DNAH8: variants seen among roughly 807,000 people sequenced by gnomAD.
DNAH8 encodes axonemal beta dynein heavy chain 8.
DNAH8 carries 382 observed loss-of-function variants against 562.1 expected under a neutral mutation model. That is an observed-to-expected ratio of 0.68 (90% CI 0.63 to 0.74). The LOEUF is 0.74. DNAH8 is among the 30% of genes least tolerant of loss of function. DNAH8 has a pLI of 0.00. For synonymous variants in DNAH8, 1,881 were observed against 1,919.4 expected, an observed-to-expected ratio of 0.98 and a Z score of 0.52; for missense variants, 5,203 against 5,620.4, an observed-to-expected ratio of 0.93 and a Z score of 2.37.
rs115560841 is a variant in DNAH8, at chr6:38,975,830, A to C, written c.12834+1301A>C. Reference sequence around the variant, plus strand: ...ATTCCCAATTCACAAATAATATTTTATGATTGTGTTCCCAGTAGTGATGAT... The same window carrying C: ...ATTCCCAATTCACAAATAATATTTTCTGATTGTGTTCCCAGTAGTGATGAT... On this transcript the variant is annotated intron_variant, in intron 85 of 92. Coordinates refer to ENST00000327475, the MANE Select transcript of DNAH8 (RefSeq NM_001206927.2). Among the ~76,000 whole-genome samples the C allele has an allele frequency of 2.4e-3, 360 of 152,336 alleles. 4 individuals are homozygous for C. Among genetic ancestry groups the C allele is most frequent in the African/African-American group, 8.1e-3 (338 of 41,572 alleles).
rs150022614 is a variant in DNAH8 at position 38,756,048 on chromosome 6, C to T, written c.1484C>T (p.Thr495Ile). 1.2e-6 allele frequency: 2 copies of T among 1,602,766 alleles called. No individual in the cohort carries two copies. Among genetic ancestry groups the T allele is most frequent in the Non-Finnish European group, 8.5e-7 (1 of 1,170,342 alleles). The change falls in exon 10 of 93, where the codon ACC (threonine) becomes ATC (isoleucine). Residue 495 changes from threonine (T) to isoleucine (I), a missense_variant. Thr to Ile is a moderately conservative substitution (Grantham distance 89, BLOSUM62 -1). This residue lies in a region of DNAH8 where 2,176 missense variants were observed against 2,365.1 expected (regional missense o/e 0.92). Transcript: ENST00000327475. ...MIHGVSRYYN[T>I]SERMTSLFIK... ...CACGGTGTGTCAAGGTATTATAATA[C>T]CTCAGAGAGAATGACCTCATTGTTT...
At chr6:38,779,369 A>T (rs1441024018) in intron 14 of DNAH8, among the ~76,000 whole-genome samples, 1 of 151,532 alleles carries the variant, frequency 6.6e-6, no homozygotes, top group East Asian at 1.9e-4. Flanking sequence ...CTGTCTCTCT[A>T]TTTCTCTCTG....
intron 62 of DNAH8, among the ~76,000 whole-genome samples, chr6:38,905,588 ATAT>A (rs1476918892): frequency 6.6e-6 from 1 of 152,176 alleles, no homozygotes; most frequent in Non-Finnish European, 1.5e-5. Flanking sequence ...TGAGTTTTAG[ATAT>A]TATATATATA....
intron 79 of DNAH8, among the ~76,000 whole-genome samples, chr6:38,939,538 A>G (rs1245796639): frequency 1.3e-5 from 2 of 152,240 alleles, no homozygotes; most frequent in Admixed American, 1.3e-4. Flanking sequence ...TTGCTTGAAA[A>G]GAAATAATAA....
At chr6:39,008,579 T>C (rs1765953669) in intron 88 of DNAH8, among the ~76,000 whole-genome samples, 1 of 152,074 alleles carries the variant, frequency 6.6e-6, no homozygotes, top group Non-Finnish European at 1.5e-5. Context: ...GTCTCTTTCC[T>C]TGAAGATGGA....
At chr6:38,736,753 G>C (rs1171583101) in intron 5 of DNAH8, among the ~76,000 whole-genome samples, 1 of 151,934 alleles carries the variant, frequency 6.6e-6, no homozygotes, top group East Asian at 1.9e-4. Context: ...TTCAACGGAG[G>C]ATTTTCTTTA....
Position 38,803,264 on chromosome 6 carries a change from A to C in DNAH8, c.2987A>C (p.Glu996Ala), listed in dbSNP as rs1169034096. Reference protein sequence around the residue: ...EAVRELISIFEQIYEVKYTGK... With the variant: ...EAVRELISIFAQIYEVKYTGK... The stretch of plus-strand genomic sequence containing the variant: ...GTCAGAGAACTTATATCAATATTTG[A>C]GCAGATTTATGAAGTGAAATACACT... Residue 996 changes from glutamate to alanine, a missense_variant, in exon 22 of 93, where the codon GAG becomes GCG. Coordinates refer to ENST00000327475, the MANE Select transcript of DNAH8 (RefSeq NM_001206927.2). The C allele has an allele frequency of 6.2e-7, 1 of 1,609,306 alleles. No homozygotes were observed. The highest frequency in any genetic ancestry group is 8.5e-7 in the Non-Finnish European group (1 of 1,177,088).
At chr6:38,753,378 T>A (rs1388560438) in intron 9 of DNAH8, among the ~76,000 whole-genome samples, 4 of 152,154 alleles carry the variant, frequency 2.6e-5, no homozygotes, top group Admixed American at 2.6e-4. Context: ...TTAAAATTAT[T>A]ACATGTCACA....
At chr6:38,868,879 C>T (rs970169578) in intron 48 of DNAH8, among the ~76,000 whole-genome samples, 2 of 152,050 alleles carry the variant, frequency 1.3e-5, no homozygotes, top group South Asian at 2.1e-4. Flanking sequence ...GCCATGTCAC[C>T]CAGGCTGGTC....
intron 28 of DNAH8, 76 bp downstream of exon 28, chr6:38,823,764 T>G (rs1457927322): frequency 1.0e-6 from 1 of 983,168 alleles, no homozygotes; most frequent in African/African-American, 1.6e-5. Flanking sequence ...AAGCAGTTAT[T>G]AAGTTATCTT....
chr6:38,781,239 G>A lies in DNAH8; in HGVS notation c.2140-15G>A. ...GTATTGAATTCAAACATTAACATCA[G>A]ATTTTTAATTACAGCTTTATCATTC... is the stretch of plus-strand genomic sequence containing the variant. On this transcript the variant is annotated splice_polypyrimidine_tract_variant and intron_variant, in intron 15 of 92. Transcript: ENST00000327475. 1 of 1,613,228 alleles carries A rather than the reference G, an allele frequency of 6.2e-7. No homozygotes were observed. Among genetic ancestry groups the A allele is most frequent in the Non-Finnish European group, 8.5e-7 (1 of 1,179,634 alleles).
At chr6:38,841,497 C>T (rs940828610) in intron 33 of DNAH8, among the ~76,000 whole-genome samples, 1 of 152,122 alleles carries the variant, frequency 6.6e-6, no homozygotes. Flanking sequence ...TTTGAAGTAT[C>T]TCTGATGAAG....
At chr6:38,801,494 C>G (rs980314735) in intron 21 of DNAH8, among the ~76,000 whole-genome samples, 1 of 152,122 alleles carries the variant, frequency 6.6e-6, no homozygotes, top group South Asian at 2.1e-4. Context: ...GTGTCTGGTT[C>G]CTGAGGGGAT....
Position 38,786,775 on chromosome 6 carries a change from C to T in DNAH8, c.2406C>T (p.Ala802=). The change falls in exon 18 of 93, where the codon GCC becomes GCT. Residue 802 remains alanine (A), a synonymous_variant. Coordinates refer to ENST00000327475, the MANE Select transcript of DNAH8 (RefSeq NM_001206927.2). The part of the protein sequence containing the change: ...EISQLHYALQ[A]TLFVRHPETG... ...ATTATTTATTTGTAGCTTTACAAGC[C>T]ACGCTTTTTGTGCGACATCCAGAAA... The T allele has an allele frequency of 6.2e-7, 1 of 1,610,488 alleles. No individual in the cohort carries two copies. The highest frequency in any genetic ancestry group is 1.1e-5 in the South Asian group (1 of 90,226).
chr6:38,963,680 CTTTT>C (rs778971367), intron 82 of DNAH8, among the ~76,000 whole-genome samples: 8 of 60,562 alleles, frequency 1.3e-4, no homozygotes, highest in South Asian at 7.0e-4. Flanking sequence ...AAAGTCCATT[CTTTT>C]TTTTTTTTTT....
chr6:38,997,844 G>A (rs1488613260), intron 88 of DNAH8, among the ~76,000 whole-genome samples: 1 of 152,096 alleles, frequency 6.6e-6, no homozygotes, highest in Non-Finnish European at 1.5e-5. Context: ...TGCAACCTCC[G>A]CCTCCCAGGC....
At chr6:38,781,453 G>T in intron 16 of DNAH8, 80 bp downstream of exon 16, 1 of 1,471,680 alleles carries the variant, frequency 6.8e-7, no homozygotes, top group South Asian at 1.3e-5. Flanking sequence ...TAATATTTGT[G>T]TGCATTAAAG....
intron 78 of DNAH8, 75 bp from the exon 79 acceptor site, chr6:38,938,723 T>C: frequency 1.0e-6 from 1 of 1,004,474 alleles, no homozygotes; most frequent in Non-Finnish European, 1.5e-6. Context: ...AACCTTCATG[T>C]GTACCCCTGA....
At chr6:38,771,280 C>G (rs576316471) in intron 12 of DNAH8, among the ~76,000 whole-genome samples, 4 of 152,312 alleles carry the variant, frequency 2.6e-5, no homozygotes, top group African/African-American at 9.6e-5. Flanking sequence ...ACTTCCTGAT[C>G]AAGCCAGGAC....
Sources: gnomAD v4.1 joint callset for allele counts (sites outside exome capture counted in the v4.1 genomes callset) on GRCh38, gnomAD v4.1.1 for gene constraint, gnomAD v4.1.1 regional missense constraint, MANE v1.5 for transcripts, NCBI Gene and HGNC (gene_info 2026-07-23, HGNC 2026-07-21) for gene names.